Variants in MIER1 observed in about 807,000 individuals in gnomAD.
The protein encoded by MIER1 is MIER1 transcriptional regulator.
Under a neutral mutation model 75.7 loss-of-function variants are expected in MIER1, and 40 were observed. The observed-to-expected ratio is 0.53, with a 90% CI of 0.41 to 0.69. The LOEUF is 0.69. MIER1 is among the 30% of genes least tolerant of loss of function. The pLI, the probability that MIER1 is intolerant of heterozygous loss-of-function variation, is 0.00. For missense variants in MIER1, 574 were observed against 680.2 expected (o/e 0.84, Z 1.74); for synonymous variants, 213 against 223.4 (o/e 0.95, Z 0.42).
chr1:66,934,696 T>A (rs776402708), intron 2 of MIER1, among the ~76,000 whole-genome samples: 3 of 152,012 alleles, frequency 2.0e-5, no homozygotes, highest in Non-Finnish European at 4.4e-5. Context: ...TTCCCAGTCC[T>A]TATTTTCTAT....
intron 2 of MIER1, among the ~76,000 whole-genome samples, chr1:66,933,556 G>A (rs1220037795): frequency 2.6e-5 from 4 of 151,780 alleles, no homozygotes; most frequent in African/African-American, 9.7e-5. Context: ...GAGTGTATTT[G>A]GATTTTTTTA....
chr1:66,926,007 G>T, intron 1 of MIER1, 135 bp from the exon 2 acceptor site: 105 of 555,990 alleles, frequency 1.9e-4, no homozygotes, highest in Middle Eastern at 3.1e-4. Flanking sequence ...CTCATTAAAT[G>T]TTTTTCTAAA....
intron 4 of MIER1, among the ~76,000 whole-genome samples, chr1:66,954,125 A>G (rs1659597596): frequency 1.3e-5 from 2 of 152,140 alleles, no homozygotes; most frequent in African/African-American, 4.8e-5. Context: ...TTTCTTTTCC[A>G]CAACCACTAA....
chr1:66,967,928 TATC>T (rs1324703752), intron 8 of MIER1, among the ~76,000 whole-genome samples: 4 of 152,182 alleles, frequency 2.6e-5, no homozygotes, highest in Non-Finnish European at 5.9e-5. Context: ...TACAAGATCA[TATC>T]ATCAGTAAAC....
chr1:66,975,990 TTG>T (rs537234620), intron 11 of MIER1, among the ~76,000 whole-genome samples: 12 of 151,746 alleles, frequency 7.9e-5, no homozygotes, highest in Non-Finnish European at 1.0e-4. Flanking sequence ...GGCCTTTTTT[TTG>T]TGTGTGTGTG....
At chr1:66,925,158 G>A in intron 1 of MIER1, 63 bp downstream of exon 1, 1 of 1,529,576 alleles carries the variant, frequency 6.5e-7, no homozygotes, top group Non-Finnish European at 8.8e-7. Flanking sequence ...AGGGGCTCCT[G>A]AGGTGTCCTC....
intron 4 of MIER1, among the ~76,000 whole-genome samples, chr1:66,957,846 A>G (rs370124283): frequency 6.6e-6 from 1 of 152,192 alleles, no homozygotes; most frequent in African/African-American, 2.4e-5. Flanking sequence ...GTTGTCAGCA[A>G]TTATAACTGG....
chr1:66,941,451 T>G (rs17129533), intron 3 of MIER1, among the ~76,000 whole-genome samples: 11,555 of 152,140 alleles, frequency 0.076, 547 homozygotes, highest in African/African-American at 0.13. Context: ...ACGCAGAAAT[T>G]GTTTTCATAG....
At chr1:66,976,522 A>G in intron 11 of MIER1, 73 bp from the exon 12 acceptor site, 1 of 1,438,086 alleles carries the variant, frequency 7.0e-7, no homozygotes, top group Middle Eastern at 1.8e-4. Flanking sequence ...TTTATTTTCA[A>G]ACTTCAGATG....
Position 66,976,652 on chromosome 1 carries a change from G to T in MIER1, c.1159G>T (p.Glu387Ter). The change falls in exon 12 of 14, where the codon GAA becomes TAA. Residue 387 changes from glutamate to a stop codon, truncating the protein, a stop_gained. Transcript: ENST00000401041. LOFTEE classifies it high-confidence loss of function. Reference protein sequence around the residue: ...VAFYYMWKKSERYDFFAQQTR... With the variant: ...VAFYYMWKKS Reference sequence around the variant, plus strand: ...ATTCTATTACATGTGGAAAAAATCTGAACGTTATGATTTCTTTGCTCAGCA... The same window carrying T: ...ATTCTATTACATGTGGAAAAAATCTTAACGTTATGATTTCTTTGCTCAGCA... 6.2e-7 allele frequency: 1 copy of T among 1,607,710 alleles called. No individual in the cohort carries two copies.
intron 8 of MIER1, among the ~76,000 whole-genome samples, chr1:66,965,385 G>A (rs1207273583): frequency 1.3e-5 from 2 of 151,414 alleles, no homozygotes; most frequent in African/African-American, 2.4e-5. Context: ...TTATATTTTA[G>A]TATTTATATT....
At chr1:66,934,602 C>G (rs539475877) in intron 2 of MIER1, among the ~76,000 whole-genome samples, 36 of 143,714 alleles carry the variant, frequency 2.5e-4, no homozygotes, top group Admixed American at 1.8e-3. Flanking sequence ...GACAGGGTCT[C>G]GATATGTTGA....
At chr1:66,980,043 C>T (rs1665574018) in intron 12 of MIER1, among the ~76,000 whole-genome samples, 1 of 152,196 alleles carries the variant, frequency 6.6e-6, no homozygotes, top group Non-Finnish European at 1.5e-5. Context: ...GGATGACAGG[C>T]GTGAGCCACC....
intron 3 of MIER1, among the ~76,000 whole-genome samples, chr1:66,945,383 G>C (rs562724895): frequency 1.2e-4 from 18 of 151,020 alleles, no homozygotes; most frequent in African/African-American, 4.4e-4. Context: ...ATAATGACAA[G>C]GAAAAACGCC....
At chr1:66,980,447 A>C (rs1665655428) in intron 12 of MIER1, among the ~76,000 whole-genome samples, 1 of 152,230 alleles carries the variant, frequency 6.6e-6, no homozygotes, top group African/African-American at 2.4e-5. Context: ...TCTTGAAGTC[A>C]GGTATCACAT....
intron 3 of MIER1, among the ~76,000 whole-genome samples, chr1:66,941,197 T>G (rs1273863881): frequency 6.6e-6 from 1 of 152,220 alleles, no homozygotes; most frequent in Non-Finnish European, 1.5e-5. Context: ...TTTAAATGAC[T>G]AGTGTGCTCA....
chr1:66,951,796 C>T (rs1659028991), intron 4 of MIER1, among the ~76,000 whole-genome samples: 1 of 152,112 alleles, frequency 6.6e-6, no homozygotes, highest in African/African-American at 2.4e-5. Flanking sequence ...CCTTATTTCT[C>T]ACAGTTTATC....
chr1:66,973,383 T>A (rs999301536), intron 11 of MIER1, among the ~76,000 whole-genome samples: 1 of 152,140 alleles, frequency 6.6e-6, no homozygotes, highest in Non-Finnish European at 1.5e-5. Context: ...GTTAAAATAT[T>A]TATTACATTT....
intron 2 of MIER1, among the ~76,000 whole-genome samples, chr1:66,930,597 G>C (rs978778918): frequency 1.1e-4 from 16 of 152,138 alleles, no homozygotes; most frequent in Middle Eastern, 3.4e-3. Flanking sequence ...GTAGGAGGAA[G>C]CGGAGGCGTA....
Sources: gnomAD v4.1 joint callset for allele counts (sites outside exome capture counted in the v4.1 genomes callset) on GRCh38, gnomAD v4.1.1 for gene constraint, MANE v1.5 for transcripts, NCBI Gene and HGNC (gene_info 2026-07-23, HGNC 2026-07-21) for gene names.